The following SLC20A2 variants were observed in gnomAD, a reference collection of about 807,000 sequenced individuals.
The protein encoded by SLC20A2 is sodium-dependent phosphate transporter 2.
In SLC20A2, 30 loss-of-function variants were observed where a neutral mutation model predicts 61.0. That is an observed-to-expected ratio of 0.49 (90% CI 0.37 to 0.67). The LOEUF (loss-of-function observed/expected upper bound fraction) is 0.67, where lower values mean the gene tolerates loss of function less well. SLC20A2 is among the 30% of genes least tolerant of loss of function. The pLI is 0.00. For missense variants in SLC20A2, 626 were observed against 866.4 expected (o/e 0.72, Z 3.48); for synonymous variants, 351 against 353.3 (o/e 0.99, Z 0.07).
chr8:42,506,322 G>A (rs1413130754), intron 1 of SLC20A2, among the ~76,000 whole-genome samples: 2 of 152,220 alleles, frequency 1.3e-5, no homozygotes, highest in Non-Finnish European at 2.9e-5. Context: ...CTAGCTGTCT[G>A]ACCTCGAGCA....
In SLC20A2 at chr8:42,455,239, A is replaced by AT. The variant is rs1406971999; in HGVS notation, c.613+4656_613+4657insA. 1.4e-3 allele frequency among the ~76,000 whole-genome samples: 137 copies of AT among 97,210 alleles called. 2 individuals are homozygous for AT. The highest frequency in any genetic ancestry group is 0.012 in the South Asian group (38 of 3,294). The allele number at this position is 97,210 out of a possible 152,430, so 63.8% of individuals were successfully genotyped here. Reference sequence around the variant, plus strand: ...GACTCCGTCTAAAAAAAAAAAAAAAAAAATATATATATATATATAGAGAGA... The same window carrying AT: ...GACTCCGTCTAAAAAAAAAAAAAAAATAAATATATATATATATATAGAGAGA... On this transcript the variant is annotated intron_variant, in intron 5 of 10. Coordinates refer to ENST00000520262, the MANE Select transcript of SLC20A2 (RefSeq NM_001257180.2).
At chr8:42,451,907 TGGAGGAGGAGGAGGAAGAGATGAAGA>T (rs1805708399) in intron 5 of SLC20A2, among the ~76,000 whole-genome samples, 1 of 73,016 alleles carries the variant, frequency 1.4e-5, no homozygotes, top group Non-Finnish European at 2.6e-5. Context: ...GAGGAAGAGA[TGGAGGAGGAGGAGGAAGAGATGAAGA>T]GGAGGAGGAG....
chr8:42,465,768 G>A lies in SLC20A2; in HGVS notation c.430+9C>T, dbSNP rs1344614368. On this transcript the variant is annotated intron_variant, in intron 3 of 10. Transcript: ENST00000520262. ...TTCCTTCTTATGGGTAAAAGAAAATGCCAATTACCAATCTTGACAAGCTCC... is the reference window on the plus strand; with the variant it reads ...TTCCTTCTTATGGGTAAAAGAAAATACCAATTACCAATCTTGACAAGCTCC... The A allele has an allele frequency of 6.3e-7, 1 of 1,577,094 alleles. No homozygotes were observed. The highest frequency in any genetic ancestry group is 8.6e-7 in the Non-Finnish European group (1 of 1,167,260).
At position 42,439,389 on chromosome 8, in the gene SLC20A2, G is replaced by C. The variant is rs951460744; in HGVS notation, c.934+61C>G. On this transcript the variant is annotated intron_variant, in intron 7 of 10. Coordinates refer to ENST00000520262, the MANE Select transcript of SLC20A2 (RefSeq NM_001257180.2). ...GATTGCCCACACCCAGGCCCAGCTG[G>C]TCCTCCCCAGGGAACTTCTCTGTGC... 6 of 1,534,302 alleles carry C rather than the reference G, an allele frequency of 3.9e-6. No individual in the cohort carries two copies. The South Asian group carries it at 6.9e-5, about 18-fold the overall frequency.
At chr8:42,502,188 AAGAC>A (rs1002645413), upstream of SLC20A2, 3 of 152,006 alleles carry the variant, frequency 2.0e-5, no homozygotes, top group African/African-American at 7.2e-5. Flanking sequence ...AGACAGGTAA[AAGAC>A]AGGGTAATTC....
chr8:42,534,131 A>T (rs886601836), intron 1 of SLC20A2, among the ~76,000 whole-genome samples: 1 of 151,898 alleles, frequency 6.6e-6, no homozygotes, highest in African/African-American at 2.4e-5. Flanking sequence ...AGCCTGGCCA[A>T]TATGGTGAAA....
At chr8:42,489,048 T>TC (rs1303677384) in intron 1 of SLC20A2, among the ~76,000 whole-genome samples, 1 of 147,672 alleles carries the variant, frequency 6.8e-6, no homozygotes, top group Non-Finnish European at 1.5e-5. Context: ...CAAGCGATTC[T>TC]CCTGCCTCAG....
chr8:42,429,608 C>T (rs1162975511), intron 9 of SLC20A2, among the ~76,000 whole-genome samples: 1 of 152,236 alleles, frequency 6.6e-6, no homozygotes, highest in Non-Finnish European at 1.5e-5. Flanking sequence ...AGAGCTCACC[C>T]ACAATGGCAG....
chr8:42,426,303 C>A lies in SLC20A2; in HGVS notation c.1794+2455G>T, dbSNP rs544143254. Reference sequence around the variant, plus strand: ...ATTAGCAAAATCAGTACTGTCCATTCCAACACTGTATACAGTATACATACA... The same window carrying A: ...ATTAGCAAAATCAGTACTGTCCATTACAACACTGTATACAGTATACATACA... On this transcript the variant is annotated intron_variant, in intron 10 of 10. Transcript: ENST00000520262. 1.2e-4 allele frequency among the ~76,000 whole-genome samples: 19 copies of A among 152,262 alleles called. 1 individual carries two copies. The South Asian group carries it at 3.5e-3, about 28-fold the overall frequency.
chr8:42,428,278 A>C (rs1223700087), intron 10 of SLC20A2, among the ~76,000 whole-genome samples: 1 of 152,194 alleles, frequency 6.6e-6, no homozygotes, highest in Non-Finnish European at 1.5e-5. Context: ...CTCGTGGGGA[A>C]TTTATGGCAA....
chr8:42,541,734 C>G (rs1197601969), intron 1 of SLC20A2: 4 of 149,160 alleles, frequency 2.7e-5, no homozygotes, highest in Non-Finnish European at 6.0e-5. Context: ...CCGCTTCTCC[C>G]GGTCCCCGGC....
chr8:42,505,920 A>C (rs917651860), upstream of SLC20A2, among the ~76,000 whole-genome samples: 1 of 151,642 alleles, frequency 6.6e-6, no homozygotes, highest in African/African-American at 2.4e-5. Flanking sequence ...AAAAATGAAC[A>C]TTGAAGAAAA....
intron 7 of SLC20A2, among the ~76,000 whole-genome samples, chr8:42,438,083 A>AC (rs1804481081): frequency 1.3e-5 from 2 of 150,720 alleles, no homozygotes; most frequent in South Asian, 2.1e-4. Context: ...AAAAAAAAAA[A>AC]AAAAAACATG....
rs1357952393 is a variant in SLC20A2, at chr8:42,469,926, T to C, written c.289+2176A>G. Among the ~76,000 whole-genome samples, 12 of 146,908 alleles carry C rather than the reference T, an allele frequency of 8.2e-5. No individual in the cohort carries two copies. The South Asian group carries it at 1.5e-3, about 18-fold the overall frequency. ...CTGGGCAACAAAGCGAGATTCCGTC[T>C]CAAAAAAAAAAAAAAAGATTTAATT... On this transcript the variant is annotated intron_variant, in intron 2 of 10. Transcript: ENST00000520262.
chr8:42,456,568 T>C (rs1345186117), intron 5 of SLC20A2, among the ~76,000 whole-genome samples: 1 of 151,760 alleles, frequency 6.6e-6, no homozygotes, highest in African/African-American at 2.4e-5. Context: ...CCGTCTCTAC[T>C]AAAAATACAA....
chr8:42,478,778 G>C (rs368610730), intron 1 of SLC20A2, among the ~76,000 whole-genome samples: 3 of 152,006 alleles, frequency 2.0e-5, no homozygotes, highest in African/African-American at 7.2e-5. Context: ...GGTCATAAAA[G>C]GTAATGTTCA....
intron 4 of SLC20A2, 53 bp downstream of exon 4, chr8:42,462,952 G>A: frequency 2.7e-6 from 3 of 1,123,378 alleles, no homozygotes; most frequent in Non-Finnish European, 3.9e-6. Context: ...TTTCTACTGA[G>A]TAGAGCCAAA....
At chr8:42,480,670 T>A (rs1808487786) in intron 1 of SLC20A2, among the ~76,000 whole-genome samples, 2 of 152,178 alleles carry the variant, frequency 1.3e-5, no homozygotes, top group Non-Finnish European at 2.9e-5. Context: ...ATTCCTTTAT[T>A]TTTAGTTTTG....
At chr8:42,510,200 A>C (rs1171774807) in intron 1 of SLC20A2, among the ~76,000 whole-genome samples, 1 of 152,220 alleles carries the variant, frequency 6.6e-6, no homozygotes, top group Non-Finnish European at 1.5e-5. Context: ...GATTATACTA[A>C]AAACAAAAAC....
Sources: gnomAD v4.1 joint callset for allele counts (sites outside exome capture counted in the v4.1 genomes callset) on GRCh38, gnomAD v4.1.1 for gene constraint, MANE v1.5 for transcripts, NCBI Gene and HGNC (gene_info 2026-07-23, HGNC 2026-07-21) for gene names.